Variants in SH3BP2 observed in about 807,000 individuals in gnomAD.
SH3BP2 encodes the protein SH3 domain binding protein 2.
A neutral mutation model predicts 56.2 loss-of-function variants in SH3BP2; 38 were observed. That is an observed-to-expected ratio of 0.68 (90% confidence interval 0.52 to 0.89). The LOEUF (loss-of-function observed/expected upper bound fraction) is 0.89, where lower values mean the gene tolerates loss of function less well. Ranked by LOEUF, SH3BP2 falls within the 40% of genes least tolerant of loss-of-function variation. The probability of loss-of-function intolerance (pLI) is 0.00; values close to 1 mark genes in which losing one functional copy is unlikely to be tolerated. For missense variants in SH3BP2, 748 were observed against 762.6 expected (o/e 0.98, Z 0.23); for synonymous variants, 346 against 316.7 (o/e 1.09, Z -0.98).
In SH3BP2 at chr4:2,817,222, G is replaced by T. The variant is rs1050606164; in HGVS notation, c.-4-3392G>T. Among the ~76,000 whole-genome samples, 5 of 152,384 alleles carry T rather than the reference G, an allele frequency of 3.3e-5. No individual in the cohort carries two copies. The East Asian group carries it at 5.8e-4, about 18-fold the overall frequency. ...GAGGTTTAGCACTGAGCAGTGATGG[G>T]AATGGTGTGCGTGTTGATTCTGTGC... is the stretch of plus-strand genomic sequence containing the variant. On this transcript the variant is annotated intron_variant, in intron 1 of 12. Coordinates refer to ENST00000503393, the MANE Select transcript of SH3BP2 (RefSeq NM_001122681.2).
intron 1 of SH3BP2, among the ~76,000 whole-genome samples, chr4:2,797,145 TCCCCATGCCCTGCAG>T (rs952170034): frequency 6.6e-6 from 1 of 152,016 alleles, no homozygotes; most frequent in Admixed American, 6.6e-5. Context: ...GGGTCCTGGG[TCCCCATGCCCTGCAG>T]CCCTGTCCAC....
chr4:2,839,447 C>A lies in SH3BP2; in HGVS notation c.*5613C>A, dbSNP rs886059384. 1.3e-5 allele frequency: 2 copies of A among 152,134 alleles called. No homozygotes were observed. Among genetic ancestry groups the A allele is most frequent in the African/African-American group, 4.8e-5 (2 of 41,436 alleles). The allele number at this position is 152,134 out of a possible 1,614,324, so 9.4% of individuals were successfully genotyped here. A position where few individuals can be genotyped will look rare whatever the true frequency, so the allele number is the denominator to read the frequency against. On this transcript the variant is annotated 3_prime_UTR_variant, in exon 13 of 13. Transcript: ENST00000503393. Reference sequence around the variant, plus strand: ...AGCCTCCCAAAGTTGGGATTATAGGCGTGAGCTACCAGATTTTTTCTTATT... The same window carrying A: ...AGCCTCCCAAAGTTGGGATTATAGGAGTGAGCTACCAGATTTTTTCTTATT...
chr4:2,831,559 C>T lies in SH3BP2; in HGVS notation c.1242-12C>T, dbSNP rs1204458649. 1.3e-6 allele frequency: 2 copies of T among 1,560,404 alleles called. No individual in the cohort carries two copies. The highest frequency in any genetic ancestry group is 1.7e-6 in the Non-Finnish European group (2 of 1,150,344). The stretch of plus-strand genomic sequence containing the variant: ...GTGAAATGGTCCTGCCTTCCTCTCC[C>T]TGCCCCTCCAGGCGATCACCCCCCG... On this transcript the variant is annotated splice_polypyrimidine_tract_variant and intron_variant, in intron 8 of 12. Transcript: ENST00000503393. This position sits in a 1 kb window ranked among gnomAD's most constrained non-coding sequence, Gnocchi z 4.1.
At chr4:2,819,273 G>A (rs1401879856) in intron 1 of SH3BP2, among the ~76,000 whole-genome samples, 1 of 152,208 alleles carries the variant, frequency 6.6e-6, no homozygotes, top group Admixed American at 6.5e-5. Flanking sequence ...AGGCTGGAGT[G>A]CAGTGGTACG....
At chr4:2,795,797 G>A (rs1373162726) in intron 1 of SH3BP2, among the ~76,000 whole-genome samples, 1 of 152,172 alleles carries the variant, frequency 6.6e-6, no homozygotes. Context: ...AGGGTATGGA[G>A]GGGCCTGGGA....
intron 10 of SH3BP2, 172 bp from the exon 11 acceptor site, chr4:2,832,159 G>T (rs956786850): frequency 8.4e-6 from 8 of 957,546 alleles, no homozygotes; most frequent in Admixed American, 5.7e-5. Context: ...ACCCTGGCTG[G>T]CCAGGGCTCT....
chr4:2,827,734 G>A (rs929181221), intron 7 of SH3BP2, 60 bp downstream of exon 7: 9 of 1,405,812 alleles, frequency 6.4e-6, no homozygotes, highest in South Asian at 2.5e-5. Flanking sequence ...GGCTGGGACC[G>A]GGAGCAGAGC....
intron 4 of SH3BP2, 75 bp from the exon 5 acceptor site, chr4:2,825,051 G>A: frequency 7.6e-7 from 1 of 1,320,300 alleles, no homozygotes; most frequent in Non-Finnish European, 1.1e-6. Flanking sequence ...GAGCAGGCAG[G>A]GCAGTGAAGG....
At chr4:2,814,761 G>A (rs1001310033) in intron 1 of SH3BP2, 2 of 152,230 alleles carry the variant, frequency 1.3e-5, no homozygotes, top group African/African-American at 4.8e-5. Context: ...AGGGGAAGGA[G>A]GGGCCCCAGG....
chr4:2,824,006 C>T (rs1006371110), intron 3 of SH3BP2, among the ~76,000 whole-genome samples: 3 of 152,238 alleles, frequency 2.0e-5, no homozygotes, highest in African/African-American at 7.2e-5. Context: ...ACCCTGGGCC[C>T]AGTGGCAGAT....
intron 1 of SH3BP2, chr4:2,818,888 G>A (rs1323630692): frequency 4.9e-5 from 48 of 985,496 alleles, no homozygotes; most frequent in Non-Finnish European, 5.4e-5. Context: ...ACTTTTGTTG[G>A]AGGGTGCTGG....
intron 12 of SH3BP2, 63 bp downstream of exon 12, chr4:2,833,112 ATC>A: frequency 6.8e-7 from 1 of 1,463,078 alleles, no homozygotes; most frequent in East Asian, 2.3e-5. Flanking sequence ...GCAGGGCAGA[ATC>A]TCCCTGATGA....
rs751182333 is a variant in SH3BP2, at chr4:2,823,038, G to A, written c.239+1G>A. The A allele has an allele frequency of 1.2e-6, 2 of 1,610,288 alleles. No individual in the cohort carries two copies. The highest frequency in any genetic ancestry group is 2.2e-5 in the East Asian group (1 of 44,872). Reference sequence around the variant, plus strand: ...CCTTCTCCCTGAGTGGCTATAACCGGTAAGTGCCCGACCTGCCTGCTGACC... The same window carrying A: ...CCTTCTCCCTGAGTGGCTATAACCGATAAGTGCCCGACCTGCCTGCTGACC... On this transcript the variant is annotated splice_donor_variant, in intron 3 of 12. Transcript: ENST00000503393. LOFTEE classifies it high-confidence loss of function.
chr4:2,793,721 A>G (rs549039074), intron 1 of SH3BP2: 5 of 152,328 alleles, frequency 3.3e-5, no homozygotes, highest in Admixed American at 6.5e-5. Context: ...ACGGAGGGCA[A>G]GAAAAGCCGC....
At chr4:2,812,327 G>T in intron 1 of SH3BP2, 1 of 1,549,694 alleles carries the variant, frequency 6.5e-7, no homozygotes, top group Non-Finnish European at 8.7e-7. Context: ...ACAGCTGTGG[G>T]GCAGCCAGGC....
At position 2,810,525 on chromosome 4, in the gene SH3BP2, TC is replaced by T. The variant is rs200020745; in HGVS notation, c.-4-10087del. On this transcript the variant is annotated intron_variant, in intron 1 of 12. Coordinates refer to ENST00000503393, the MANE Select transcript of SH3BP2 (RefSeq NM_001122681.2). The surrounding 1 kb of genome is among the most constrained non-coding windows in gnomAD (Gnocchi z 4.2). ...GCCTGCCCAGTAAGGGGTGGCGTGT[TC>T]CTGAGAGCGCCGGCTGCCTCTGGGT... Among the ~76,000 whole-genome samples, 1,014 of 151,968 alleles carry T rather than the reference TC, an allele frequency of 6.7e-3. 15 individuals are homozygous for T. Among genetic ancestry groups the T allele is most frequent in the African/African-American group, 0.022 (897 of 41,418 alleles).
At chr4:2,830,244 C>G in intron 8 of SH3BP2, 97 bp downstream of exon 8, 1 of 1,218,474 alleles carries the variant, frequency 8.2e-7, no homozygotes, top group Non-Finnish European at 1.1e-6. Flanking sequence ...CCCTGGCACT[C>G]TTAGCCCACG....
At chr4:2,812,886 G>C (rs1487172578) in intron 1 of SH3BP2, among the ~76,000 whole-genome samples, 1 of 152,072 alleles carries the variant, frequency 6.6e-6, no homozygotes, top group Admixed American at 6.5e-5. Flanking sequence ...TTTCTGTTGT[G>C]GGGGGGTAAC....
Position 2,831,540 on chromosome 4 carries a change from T to A in SH3BP2, c.1242-31T>A. Reference sequence around the variant, plus strand: ...GGCCGCCCCGTGTCTGACAGTGAAATGGTCCTGCCTTCCTCTCCCTGCCCC... The same window carrying A: ...GGCCGCCCCGTGTCTGACAGTGAAAAGGTCCTGCCTTCCTCTCCCTGCCCC... On this transcript the variant is annotated intron_variant, in intron 8 of 12. Coordinates refer to ENST00000503393, the MANE Select transcript of SH3BP2 (RefSeq NM_001122681.2). The surrounding 1 kb of genome is among the most constrained non-coding windows in gnomAD (Gnocchi z 4.1). The A allele has an allele frequency of 6.6e-7, 1 of 1,517,334 alleles. No homozygotes were observed. The highest frequency in any genetic ancestry group is 9.0e-7 in the Non-Finnish European group (1 of 1,114,862). 94.0% of individuals were successfully genotyped at this position (1,517,334 alleles called of 1,614,324 possible). A position where few individuals can be genotyped will look rare whatever the true frequency, so the allele number is the denominator to read the frequency against.
Sources: allele counts gnomAD v4.1 joint callset (sites outside exome capture counted in the v4.1 genomes callset), GRCh38; gene constraint gnomAD v4.1.1; non-coding constraint Gnocchi (gnomAD v3.1); transcripts MANE v1.5; gene names NCBI Gene and HGNC (gene_info 2026-07-23, HGNC 2026-07-21).